Variants in HS3ST2 observed in about 807,000 individuals in gnomAD.
The protein encoded by HS3ST2 is heparan sulfate-glucosamine 3-sulfotransferase 2.
HS3ST2 carries 17 observed loss-of-function variants against 26.3 expected under a neutral mutation model. That is an observed-to-expected ratio of 0.65 (90% CI 0.44 to 0.97). The LOEUF (loss-of-function observed/expected upper bound fraction) is 0.97. HS3ST2 is among the 50% of genes least tolerant of loss of function. HS3ST2 has a pLI of 0.00. For synonymous variants in HS3ST2, 237 were observed against 219.2 expected (o/e 1.08, Z -0.72); for missense variants, 402 against 501.2 (o/e 0.80, Z 1.89).
intron 1 of HS3ST2, among the ~76,000 whole-genome samples, chr16:22,892,219 A>G (rs944559571): frequency 6.6e-6 from 1 of 151,406 alleles, no homozygotes; most frequent in Non-Finnish European, 1.5e-5. Context: ...GAACCCAGGA[A>G]GTGGAGCTTG....
intron 1 of HS3ST2, among the ~76,000 whole-genome samples, chr16:22,884,806 T>A (rs1216505438): frequency 6.7e-6 from 1 of 149,590 alleles, no homozygotes; most frequent in Non-Finnish European, 1.5e-5. Context: ...CCTGAACCAC[T>A]GCATTTTTCA....
At chr16:22,822,293 G>C (rs1901005528) in intron 1 of HS3ST2, among the ~76,000 whole-genome samples, 1 of 152,038 alleles carries the variant, frequency 6.6e-6, no homozygotes, top group African/African-American at 2.4e-5. Flanking sequence ...AGCCTCCCAA[G>C]TAGCTAGGAC....
At chr16:22,892,439 G>A (rs1490689859) in intron 1 of HS3ST2, among the ~76,000 whole-genome samples, 1 of 152,142 alleles carries the variant, frequency 6.6e-6, no homozygotes, top group Non-Finnish European at 1.5e-5. Context: ...TTGTGCATAT[G>A]AAGTATTTTC....
At chr16:22,911,289 A>T (rs1259192312) in intron 1 of HS3ST2, among the ~76,000 whole-genome samples, 2 of 152,180 alleles carry the variant, frequency 1.3e-5, no homozygotes, top group Non-Finnish European at 2.9e-5. Context: ...GATGAAGATG[A>T]TGCTATTGAA....
Position 22,814,740 on chromosome 16 carries a change from C to T in HS3ST2, c.130C>T (p.Leu44=). 1.9e-6 allele frequency: 3 copies of T among 1,608,760 alleles called. No individual in the cohort carries two copies. The highest frequency in any genetic ancestry group is 2.5e-6 in the Non-Finnish European group (3 of 1,178,376). The stretch of plus-strand genomic sequence containing the variant: ...CAGCTTCCTGTGCTGCTGCGACGAC[C>T]TGGGTCGGAGCCGCCTCCTCGGCGC... ...CYSFLCCCDD[L]GRSRLLGAPR... is the part of the protein sequence containing the mutation. The change falls in exon 1 of 2, where the codon CTG becomes TTG. Residue 44 remains leucine, a synonymous_variant. Transcript: ENST00000261374.
chr16:22,915,667 C>A lies in HS3ST2; in HGVS notation c.*105C>A. ...CTCCAACAAACCCTGGCTCCAGCCCCCTTTCCCAACTTGAGTTGCATCATC... is the reference window on the plus strand; with the variant it reads ...CTCCAACAAACCCTGGCTCCAGCCCACTTTCCCAACTTGAGTTGCATCATC... On this transcript the variant is annotated 3_prime_UTR_variant, in exon 2 of 2. Coordinates refer to ENST00000261374, the MANE Select transcript of HS3ST2 (RefSeq NM_006043.2). 1.6e-6 allele frequency: 2 copies of A among 1,282,014 alleles called. No homozygotes were observed. Among genetic ancestry groups the A allele is most frequent in the African/African-American group, 3.0e-5 (2 of 66,930 alleles). The allele number at this position is 1,282,014 out of a possible 1,614,324, so 79.4% of individuals were successfully genotyped here. A position where few individuals can be genotyped will look rare whatever the true frequency, so the allele number is the denominator to read the frequency against.
At position 22,861,229 on chromosome 16, in the gene HS3ST2, G is replaced by A. The variant is rs114225034; in HGVS notation, c.485+46134G>A. 5.1e-3 allele frequency among the ~76,000 whole-genome samples: 769 copies of A among 151,902 alleles called. 9 individuals carry two copies. Among genetic ancestry groups the A allele is most frequent in the African/African-American group, 0.016 (671 of 41,400 alleles). On this transcript the variant is annotated intron_variant, in intron 1 of 1. Coordinates refer to ENST00000261374, the MANE Select transcript of HS3ST2 (RefSeq NM_006043.2). The stretch of plus-strand genomic sequence containing the variant: ...GTATATCATAGTTTTGATATATAAC[G>A]TTCTTTTCTGGCCTCTAGAACCACA...
At chr16:22,833,188 T>G in intron 1 of HS3ST2, 1 of 455,872 alleles carries the variant, frequency 2.2e-6, no homozygotes, top group Non-Finnish European at 4.4e-6. Context: ...GCTGTATTGC[T>G]TGCACTTTGT....
intron 1 of HS3ST2, among the ~76,000 whole-genome samples, chr16:22,880,280 G>A (rs569128050): frequency 6.6e-6 from 1 of 152,232 alleles, no homozygotes; most frequent in East Asian, 1.9e-4. Context: ...TTAGCTGGGT[G>A]TGGTGGCACA....
Position 22,814,645 on chromosome 16 carries a change from C to T in HS3ST2, c.35C>T (p.Pro12Leu). 6.4e-7 allele frequency: 1 copy of T among 1,557,742 alleles called. No individual in the cohort carries two copies. Reference protein sequence around the residue: ...AYRVLGRAGPPQPRRARRLLF... With the variant: ...AYRVLGRAGPLQPRRARRLLF... ...AGGGTCCTGGGCCGCGCGGGGCCAC[C>T]TCAGCCGCGGAGGGCGCGCAGGCTG... The change falls in exon 1 of 2, where the codon CCT becomes CTT. Residue 12 changes from proline (P) to leucine (L), a missense_variant. Pro to Leu is a moderately conservative substitution (Grantham distance 98). Transcript: ENST00000261374.
At chr16:22,901,501 C>T (rs1016942385) in intron 1 of HS3ST2, among the ~76,000 whole-genome samples, 1 of 152,150 alleles carries the variant, frequency 6.6e-6, no homozygotes, top group African/African-American at 2.4e-5. Context: ...GTGACAGGCA[C>T]AGGCTTATGG....
intron 1 of HS3ST2, among the ~76,000 whole-genome samples, chr16:22,906,200 T>G (rs1027116912): frequency 6.6e-6 from 1 of 151,882 alleles, no homozygotes; most frequent in African/African-American, 2.4e-5. Context: ...GTGAAACCCA[T>G]CTCTACTAAA....
At chr16:22,825,660 G>A (rs559108609) in intron 1 of HS3ST2, among the ~76,000 whole-genome samples, 90 of 152,132 alleles carry the variant, frequency 5.9e-4, no homozygotes, top group Non-Finnish European at 1.1e-3. Flanking sequence ...TAAGGAGGGG[G>A]AACCTATAGG....
chr16:22,889,131 T>A (rs1479514533), intron 1 of HS3ST2, among the ~76,000 whole-genome samples: 2 of 152,058 alleles, frequency 1.3e-5, no homozygotes, highest in East Asian at 3.9e-4. Context: ...CACAGAAGTG[T>A]CTACCTAAAA....
intron 1 of HS3ST2, among the ~76,000 whole-genome samples, chr16:22,830,065 C>A (rs538955112): frequency 1.3e-4 from 20 of 152,250 alleles, no homozygotes; most frequent in East Asian, 5.8e-4. Flanking sequence ...AGACAGACAG[C>A]CAGCAATCTC....
chr16:22,880,848 T>C (rs182387838), intron 1 of HS3ST2, among the ~76,000 whole-genome samples: 29 of 152,312 alleles, frequency 1.9e-4, no homozygotes, highest in East Asian at 5.8e-4. Context: ...CAGGTGCCAA[T>C]AGACACCTTT....
chr16:22,896,961 C>T (rs936179461), intron 1 of HS3ST2, among the ~76,000 whole-genome samples: 11 of 152,116 alleles, frequency 7.2e-5, no homozygotes, highest in African/African-American at 2.4e-4. Flanking sequence ...GTATATACCA[C>T]CATGCCTGGC....
chr16:22,903,083 T>G (rs1902301874), intron 1 of HS3ST2, among the ~76,000 whole-genome samples: 3 of 152,188 alleles, frequency 2.0e-5, no homozygotes, highest in Admixed American at 2.0e-4. Flanking sequence ...TTTTCCATCT[T>G]TTCCTTCATG....
intron 1 of HS3ST2, among the ~76,000 whole-genome samples, chr16:22,909,507 G>C (rs1261749579): frequency 1.3e-5 from 2 of 152,192 alleles, no homozygotes; most frequent in Non-Finnish European, 2.9e-5. Flanking sequence ...AATGTGCACA[G>C]GGCATGGGAA....
Sources: gnomAD v4.1 joint callset for allele counts (sites outside exome capture counted in the v4.1 genomes callset) on GRCh38, gnomAD v4.1.1 for gene constraint, MANE v1.5 for transcripts, NCBI Gene and HGNC (gene_info 2026-07-23, HGNC 2026-07-21) for gene names.